PUDP: variants seen among roughly 807,000 people sequenced by gnomAD.
PUDP encodes pseudouridine-5'-phosphatase.
Under a neutral mutation model 9.4 loss-of-function variants are expected in PUDP, and 8 were observed. The ratio of observed to expected loss-of-function variants is 0.85; its 90% CI spans 0.50 to 1.53. The LOEUF (loss-of-function observed/expected upper bound fraction) is 1.53. PUDP is among the 40% of genes most tolerant of loss of function. The probability of loss-of-function intolerance (pLI) is 0.00; values close to 1 mark genes in which losing one functional copy is unlikely to be tolerated. For synonymous variants in PUDP, 99 were observed against 80.7 expected (o/e 1.23, Z -1.22); for missense variants, 188 against 189.7 (o/e 0.99, Z 0.05).
At chrX:6,854,127 A>G (rs1003934247) in intron 3 of PUDP, among the ~76,000 whole-genome samples, 1 of 111,585 alleles carries the variant, frequency 9.0e-6, no homozygotes, top group African/African-American at 3.3e-5. Flanking sequence ...CTTCCTTTTT[A>G]TAACTGAACA....
intron 3 of PUDP, among the ~76,000 whole-genome samples, chrX:6,881,909 T>C (rs1927351899): frequency 9.0e-6 from 1 of 111,197 alleles, no homozygotes; most frequent in Admixed American, 9.6e-5. Flanking sequence ...ATCTGAATTT[T>C]CTGGAAGACT....
intron 3 of PUDP, among the ~76,000 whole-genome samples, chrX:6,743,729 C>T (rs1187901807): frequency 9.0e-6 from 1 of 111,605 alleles, no homozygotes; most frequent in African/African-American, 3.3e-5. Flanking sequence ...TTAAATCATC[C>T]AAACACAAAC....
chrX:6,844,983 G>A (rs180736471), intron 3 of PUDP, among the ~76,000 whole-genome samples: 13 of 112,451 alleles, frequency 1.2e-4, no homozygotes, highest in East Asian at 8.4e-4. Flanking sequence ...CTGCCTTTTC[G>A]TTTTATTTGG....
chrX:6,896,716 G>C (rs1927597746), intron 3 of PUDP, among the ~76,000 whole-genome samples: 1 of 111,203 alleles, frequency 9.0e-6, no homozygotes, highest in Admixed American at 9.6e-5. Context: ...AAGATGTCTT[G>C]AGAGTCCTGG....
At chrX:6,781,131 C>T (rs2146683817) in intron 3 of PUDP, among the ~76,000 whole-genome samples, 1 of 110,545 alleles carries the variant, frequency 9.0e-6, no homozygotes, top group African/African-American at 3.3e-5. Context: ...ATTGGCCAAG[C>T]TACACACACA....
chrX:7,041,240 A>G (rs887114457), intron 1 of PUDP, among the ~76,000 whole-genome samples: 1 of 111,515 alleles, frequency 9.0e-6, no homozygotes, highest in Non-Finnish European at 1.9e-5. Flanking sequence ...GTACTTTTCA[A>G]ATGCTGAAGT....
intron 3 of PUDP, among the ~76,000 whole-genome samples, chrX:6,928,710 C>T (rs1928143109): frequency 9.0e-6 from 1 of 111,117 alleles, no homozygotes; most frequent in Admixed American, 9.6e-5. Context: ...GCCTGGGTAA[C>T]ATGGTGAGAC....
chrX:6,920,755 CTG>C (rs2146763273), intron 3 of PUDP, among the ~76,000 whole-genome samples: 1 of 111,863 alleles, frequency 8.9e-6, no homozygotes, highest in Admixed American at 9.4e-5. Flanking sequence ...TAAAACCAAA[CTG>C]TGCCCCGACC....
intron 3 of PUDP, among the ~76,000 whole-genome samples, chrX:6,799,742 A>G (rs1392187361): frequency 1.8e-5 from 2 of 111,469 alleles, no homozygotes; most frequent in Non-Finnish European, 3.8e-5. Flanking sequence ...AGGCTGAGGC[A>G]GGAGAATCAC....
At chrX:7,041,325 T>C (rs1019985666) in intron 1 of PUDP, among the ~76,000 whole-genome samples, 6 of 111,381 alleles carry the variant, frequency 5.4e-5, no homozygotes, top group Non-Finnish European at 9.4e-5. Context: ...TCTGAGAAGA[T>C]AGAGGGAACG....
intron 3 of PUDP, among the ~76,000 whole-genome samples, chrX:6,731,395 C>T (rs1482855285): frequency 9.0e-6 from 1 of 111,601 alleles, no homozygotes; most frequent in Non-Finnish European, 1.9e-5. Flanking sequence ...TCTTAAGCTA[C>T]GAGCTGTCTG....
At chrX:6,948,395 C>T (rs1331630555) in intron 3 of PUDP, among the ~76,000 whole-genome samples, 1 of 112,001 alleles carries the variant, frequency 8.9e-6, no homozygotes, top group Non-Finnish European at 1.9e-5. Context: ...CTCCTAAATA[C>T]CAACTCTGGT....
chrX:6,800,535 T>A (rs775695311), intron 3 of PUDP, among the ~76,000 whole-genome samples: 2 of 112,173 alleles, frequency 1.8e-5, no homozygotes, highest in South Asian at 7.5e-4. Context: ...TCCACTTCTT[T>A]TGTTCTCTGC....
At chrX:6,898,874 T>C (rs1300752481) in intron 3 of PUDP, among the ~76,000 whole-genome samples, 5 of 112,043 alleles carry the variant, frequency 4.5e-5, no homozygotes, top group Non-Finnish European at 9.4e-5. Flanking sequence ...TTTTGGGCCA[T>C]AACTGTCCAA....
At chrX:6,711,350 TTC>T (rs1924530009) in intron 1 of PUDP, among the ~76,000 whole-genome samples, 1 of 110,998 alleles carries the variant, frequency 9.0e-6, no homozygotes, top group Non-Finnish European at 1.9e-5. Flanking sequence ...TTCTTCTTGC[TTC>T]TCTCTCTGAG....
intron 1 of PUDP, among the ~76,000 whole-genome samples, chrX:7,026,191 A>G (rs1466285673): frequency 8.9e-6 from 1 of 112,013 alleles, no homozygotes; most frequent in Non-Finnish European, 1.9e-5. Flanking sequence ...AGGCTTCACT[A>G]TCCTTGCAAC....
At chrX:7,052,163 G>C (rs1189580245) in intron 3 of PUDP, among the ~76,000 whole-genome samples, 2 of 110,015 alleles carry the variant, frequency 1.8e-5, no homozygotes, top group Non-Finnish European at 3.8e-5. Context: ...CTCCCAAGCA[G>C]CTGGGACTAC....
intron 3 of PUDP, among the ~76,000 whole-genome samples, chrX:6,891,219 T>C (rs1166092404): frequency 8.9e-6 from 1 of 111,967 alleles, no homozygotes; most frequent in Admixed American, 9.5e-5. Context: ...CCTAACTCTG[T>C]ATCTTCCCCT....
At chrX:6,759,049 A>G (rs964010047) in intron 3 of PUDP, among the ~76,000 whole-genome samples, 3 of 111,965 alleles carry the variant, frequency 2.7e-5, no homozygotes, top group Non-Finnish European at 5.6e-5. Context: ...CTATGAAATG[A>G]CAGCCCGATT....
Sources: gnomAD v4.1 joint callset for allele counts (sites outside exome capture counted in the v4.1 genomes callset) on GRCh38, gnomAD v4.1.1 for gene constraint, MANE v1.5 for transcripts, NCBI Gene and HGNC (gene_info 2026-07-23, HGNC 2026-07-21) for gene names.